ELMO2: variants seen among roughly 807,000 people sequenced by gnomAD.
ELMO2 encodes engulfment and cell motility protein 2.
ELMO2 carries 37 observed loss-of-function variants against 96.2 expected under a neutral mutation model. The observed-to-expected ratio is 0.38, with a 90% CI of 0.30 to 0.51. The LOEUF (loss-of-function observed/expected upper bound fraction) is 0.51. Among genes scored for constraint, ELMO2 ranks in the 20% least tolerant of loss-of-function variants. ELMO2 has a pLI of 0.88. For missense variants in ELMO2, 561 were observed against 912.6 expected, an observed-to-expected ratio of 0.61 and a Z score of 4.96; for synonymous variants, 315 against 329.4, an observed-to-expected ratio of 0.96 and a Z score of 0.47.
chr20:46,400,840 G>GA (rs2060323484), intron 1 of ELMO2, among the ~76,000 whole-genome samples: 1 of 152,220 alleles, frequency 6.6e-6, no homozygotes, highest in South Asian at 2.1e-4. Context: ...TGTTACAGAA[G>GA]CCCCATGGAG....
intron 5 of ELMO2, 87 bp downstream of exon 5, chr20:46,393,442 T>C: frequency 7.1e-7 from 1 of 1,406,182 alleles, no homozygotes; most frequent in East Asian, 2.3e-5. Context: ...GCTACCTGGA[T>C]GCTGAGTGAA....
intron 6 of ELMO2, among the ~76,000 whole-genome samples, chr20:46,390,016 G>A (rs1408224324): frequency 1.3e-5 from 2 of 152,010 alleles, no homozygotes; most frequent in African/African-American, 4.8e-5. Context: ...AGCTGGGCAT[G>A]GTGGCATGCG....
intron 8 of ELMO2, 51 bp from the exon 9 acceptor site, chr20:46,386,326 T>G (rs375411685): frequency 6.3e-7 from 1 of 1,599,100 alleles, no homozygotes; most frequent in Non-Finnish European, 8.5e-7. Flanking sequence ...CCAAGAAAGA[T>G]AGAAGCTTAG....
At chr20:46,370,098 A>G in intron 20 of ELMO2, 1 of 410,178 alleles carries the variant, frequency 2.4e-6, no homozygotes, top group Non-Finnish European at 4.7e-6. Flanking sequence ...TTGATCTGAA[A>G]TAACTACTTT....
At chr20:46,374,737 C>CCA in intron 13 of ELMO2, 97 bp from the exon 14 acceptor site, 1 of 953,078 alleles carries the variant, frequency 1.0e-6, no homozygotes, top group Non-Finnish European at 1.6e-6. Flanking sequence ...GATGCTGCTA[C>CCA]CACTCAGCAC....
chr20:46,397,685 A>G (rs2060270128), intron 2 of ELMO2, among the ~76,000 whole-genome samples: 1 of 152,158 alleles, frequency 6.6e-6, no homozygotes, highest in African/African-American at 2.4e-5. Context: ...AAATACACAC[A>G]TACATACATA....
Position 46,383,351 on chromosome 20 carries a change from A to C in ELMO2, c.756+65T>G, listed in dbSNP as rs185173857. On this transcript the variant is annotated intron_variant, in intron 10 of 21. Coordinates refer to ENST00000290246, the MANE Select transcript of ELMO2 (RefSeq NM_133171.5). ...GATTTGTGCTCTCTGCATAGCAAAG[A>C]GTGCATGGGGTGAGAATTATCTCAG... The C allele has an allele frequency of 5.5e-6, 8 of 1,460,046 alleles. 1 individual carries two copies. Among genetic ancestry groups the C allele is most frequent in the Non-Finnish European group, 7.7e-6 (8 of 1,039,664 alleles). 90.4% of individuals were successfully genotyped at this position (1,460,046 alleles called of 1,614,324 possible). A position where few individuals can be genotyped will look rare whatever the true frequency, so the allele number is the denominator to read the frequency against.
At chr20:46,374,783 A>G (rs1199531026) in intron 13 of ELMO2, 143 bp from the exon 14 acceptor site, 3 of 697,892 alleles carry the variant, frequency 4.3e-6, no homozygotes, top group African/African-American at 1.8e-5. Flanking sequence ...ACCCATCACC[A>G]CCACTGAACT....
chr20:46,400,447 G>C (rs1160830589), intron 1 of ELMO2, among the ~76,000 whole-genome samples: 1 of 152,222 alleles, frequency 6.6e-6, no homozygotes, highest in Non-Finnish European at 1.5e-5. Context: ...CAGTAACATT[G>C]CAAAATTCTC....
intron 13 of ELMO2, among the ~76,000 whole-genome samples, chr20:46,374,941 C>G (rs1302038823): frequency 6.6e-6 from 1 of 152,202 alleles, no homozygotes; most frequent in Non-Finnish European, 1.5e-5. Flanking sequence ...AATATTCACA[C>G]TAGCTTTGCA....
At chr20:46,405,986 C>T (rs1368450183) in intron 1 of ELMO2, among the ~76,000 whole-genome samples, 1 of 152,352 alleles carries the variant, frequency 6.6e-6, no homozygotes, top group East Asian at 1.9e-4. Context: ...TAACACACTG[C>T]AACTGCCCAG....
chr20:46,386,457 ATACCT>A (rs1405737881), intron 8 of ELMO2, among the ~76,000 whole-genome samples, 182 bp from the exon 9 acceptor site: 2 of 152,354 alleles, frequency 1.3e-5, no homozygotes, highest in Admixed American at 6.5e-5. Flanking sequence ...CTTGGCATGG[ATACCT>A]TAATCTCAGA....
Position 46,371,769 on chromosome 20 carries a change from C to G in ELMO2, c.1580+37G>C. On this transcript the variant is annotated intron_variant, in intron 17 of 21. Transcript: ENST00000290246. This position sits in a 1 kb window ranked among gnomAD's most constrained non-coding sequence, Gnocchi z 5.9. ...CTGGAAGGAAAGCAGAGCTGGCAGCCACCTCCCCCGCCAGCCTCCCCTGAG... is the reference window on the plus strand; with the variant it reads ...CTGGAAGGAAAGCAGAGCTGGCAGCGACCTCCCCCGCCAGCCTCCCCTGAG... 5.0e-6 allele frequency: 8 copies of G among 1,613,812 alleles called. No homozygotes were observed. The highest frequency in any genetic ancestry group is 1.6e-4 in the Middle Eastern group (1 of 6,062).
At chr20:46,383,149 A>C (rs1208108069) in intron 10 of ELMO2, among the ~76,000 whole-genome samples, 1 of 152,196 alleles carries the variant, frequency 6.6e-6, no homozygotes, top group Non-Finnish European at 1.5e-5. Context: ...TATGGCCCAT[A>C]AAGTCAAACA....
At chr20:46,401,927 T>C (rs1007141654) in intron 1 of ELMO2, among the ~76,000 whole-genome samples, 66 of 152,206 alleles carry the variant, frequency 4.3e-4, no homozygotes, top group Admixed American at 4.3e-3. Context: ...TAATTCTCTA[T>C]GTGCAGTCTC....
intron 11 of ELMO2, among the ~76,000 whole-genome samples, chr20:46,379,580 C>T (rs762194712): frequency 6.6e-6 from 1 of 152,162 alleles, no homozygotes; most frequent in Non-Finnish European, 1.5e-5. Flanking sequence ...ATCTGGTCCT[C>T]GCTACCTCTC....
intron 7 of ELMO2, among the ~76,000 whole-genome samples, chr20:46,388,592 C>CGT (rs3079791): frequency 0.039 from 5,802 of 148,042 alleles, 126 homozygotes; most frequent in Middle Eastern, 0.079. Context: ...CAAAGGAAGG[C>CGT]GTGTGTGTGT....
intron 11 of ELMO2, among the ~76,000 whole-genome samples, chr20:46,376,293 G>A (rs183413449): frequency 1.2e-3 from 178 of 152,172 alleles, no homozygotes; most frequent in African/African-American, 4.2e-3. Context: ...CAACACAAAG[G>A]AGGAACAGTT....
At chr20:46,382,304 A>G (rs2059971200) in intron 10 of ELMO2, 10 of 1,283,270 alleles carry the variant, frequency 7.8e-6, no homozygotes, top group East Asian at 5.6e-5. Context: ...CTTACATTCA[A>G]ACAAGGACCG....
Sources: gnomAD v4.1 joint callset for allele counts (sites outside exome capture counted in the v4.1 genomes callset) on GRCh38, gnomAD v4.1.1 for gene constraint, Gnocchi (gnomAD v3.1) non-coding constraint, MANE v1.5 for transcripts, NCBI Gene and HGNC (gene_info 2026-07-23, HGNC 2026-07-21) for gene names.